Variants in TAAR8 observed in about 807,000 individuals in gnomAD.
TAAR8 encodes trace amine-associated receptor 8.
For synonymous variants in TAAR8, 157 were observed against 152.7 expected (o/e 1.03, Z -0.21); for missense variants, 459 against 405.8 (o/e 1.13, Z -1.13).
At chr6:132,553,607 G>T in exon 1 of TAAR8, 1 of 1,614,016 alleles carries the variant, frequency 6.2e-7, no homozygotes, top group Non-Finnish European at 8.5e-7. Flanking sequence ...ACTCAGCCAT[G>T]AATCCTTTGA....
exon 1 of TAAR8, chr6:132,553,087 T>A: frequency 6.2e-7 from 1 of 1,614,204 alleles, no homozygotes; most frequent in Non-Finnish European, 8.5e-7. Flanking sequence ...AGGTACATTG[T>A]GGTTACTGAT....
chr6:132,553,614 T>C, exon 1 of TAAR8: 3 of 1,614,090 alleles, frequency 1.9e-6, no homozygotes, highest in Non-Finnish European at 2.5e-6. Context: ...CATGAATCCT[T>C]TGATTTATGC....
chr6:132,553,496 T>G (rs1240727645), exon 1 of TAAR8: 2 of 1,614,064 alleles, frequency 1.2e-6, no homozygotes, highest in Non-Finnish European at 1.7e-6. Context: ...CATTTGTTAT[T>G]TCATGGTTAC....
chr6:132,553,576 G>T (rs1776412522), exon 1 of TAAR8: 1 of 1,613,850 alleles, frequency 6.2e-7, no homozygotes, highest in South Asian at 1.1e-5. Flanking sequence ...TATGAAATTT[G>T]CTGTTGGAGT....
At chr6:132,553,685 G>A (rs1271436554) in exon 1 of TAAR8, 1 of 1,599,456 alleles carries the variant, frequency 6.3e-7, no homozygotes, top group African/African-American at 1.3e-5. Context: ...ATGTTTTAAA[G>A]GCTAGTTCAT....
exon 1 of TAAR8, chr6:132,553,605 A>G (rs375368050): frequency 1.8e-5 from 29 of 1,614,012 alleles, no homozygotes; most frequent in African/African-American, 8.0e-5. Context: ...TAACTCAGCC[A>G]TGAATCCTTT....
chr6:132,553,170 C>T, exon 1 of TAAR8: 1 of 1,614,172 alleles, frequency 6.2e-7, no homozygotes, highest in Non-Finnish European at 8.5e-7. Flanking sequence ...GATTCTGCCT[C>T]TCACGTACAG....
rs1448305456 is a variant in TAAR8, at chr6:132,553,223, G to A, written c.531G>A (p.Glu177=). The change falls in exon 1 of 1, where the codon GAG becomes GAA. Residue 177 remains glutamate, a synonymous_variant. Transcript: ENST00000275200. ...CAGGTGTCAATGATGATGGGCTGGA[G>A]GAATTAGTAAGTGCTCTCAACTGCG... 4 of 1,614,174 alleles carry A rather than the reference G, an allele frequency of 2.5e-6. No individual in the cohort carries two copies. The South Asian group carries it at 4.4e-5, about 18-fold the overall frequency.
exon 1 of TAAR8, chr6:132,552,738 G>A (rs1354352173): frequency 1.2e-6 from 2 of 1,614,054 alleles, no homozygotes; most frequent in African/African-American, 2.7e-5. Flanking sequence ...TTGCTATGAG[G>A]ATGTGAATGG....
At chr6:132,553,438 C>A in exon 1 of TAAR8, 1 of 1,614,004 alleles carries the variant, frequency 6.2e-7, no homozygotes, top group Non-Finnish European at 8.5e-7. Flanking sequence ...ATCAGAGTGG[C>A]CAAGAGAGAG....
Position 132,553,705 on chromosome 6 carries a change from GT to G in TAAR8, c.1016del (p.Leu339TyrfsTer3). On this transcript the variant is annotated frameshift_variant, in exon 1 of 1. Coordinates refer to ENST00000275200, the Ensembl canonical transcript of TAAR8. LOFTEE classifies it high-confidence loss of function. The stretch of plus-strand genomic sequence containing the variant: ...TTAAAGGCTAGTTCATCAACCATTA[GT>G]TTATTTTTAGAATAAGTTTAAGCAC... The G allele has an allele frequency of 6.5e-7, 1 of 1,546,144 alleles. No individual in the cohort carries two copies.
Position 132,553,439 on chromosome 6 carries a change from CA to C in TAAR8, c.749del (p.Lys250ArgfsTer15). The C allele has an allele frequency of 6.2e-7, 1 of 1,613,940 alleles. No individual in the cohort carries two copies. The highest frequency in any genetic ancestry group is 8.5e-7 in the Non-Finnish European group (1 of 1,179,976). On this transcript the variant is annotated frameshift_variant, in exon 1 of 1. Transcript: ENST00000275200. LOFTEE classifies it low-confidence loss of function (END_TRUNC). The stretch of plus-strand genomic sequence containing the variant: ...CAGAGAGTTATAAAATCAGAGTGGC[CA>C]AGAGAGAGAGGAAAGCAGCTAAAAC...
At chr6:132,553,293 G>A (rs1458102113) in exon 1 of TAAR8, 27 of 1,614,010 alleles carry the variant, frequency 1.7e-5, no homozygotes, top group Non-Finnish European at 2.1e-5. Context: ...GGTGTTGATA[G>A]ATTTTCTGTT....
At chr6:132,553,539 A>C in exon 1 of TAAR8, 1 of 1,614,056 alleles carries the variant, frequency 6.2e-7, no homozygotes, top group Non-Finnish European at 8.5e-7. Flanking sequence ...TGATGCCTTT[A>C]TGGGCTTCCT....
At position 132,553,519 on chromosome 6, in the gene TAAR8, A is replaced by C. The variant is rs541224641; in HGVS notation, c.827A>C (p.Asp276Ala). 527 of 1,614,042 alleles carry C rather than the reference A, an allele frequency of 3.3e-4. 13 individuals are homozygous for C. The South Asian group carries it at 5.5e-3, about 17-fold the overall frequency. ...ATTTCATGGTTACCGTATACAGTTG[A>C]TATATTAATTGATGCCTTTATGGGC... The change falls in exon 1 of 1, where the codon GAT (aspartate) becomes GCT (alanine). Residue 276 changes from aspartate (D) to alanine (A), a missense_variant. Transcript: ENST00000275200.
exon 1 of TAAR8, chr6:132,553,696 C>T: frequency 3.2e-6 from 5 of 1,574,704 alleles, no homozygotes; most frequent in Non-Finnish European, 3.4e-6. Flanking sequence ...GCTAGTTCAT[C>T]AACCATTAGT....
In TAAR8 at chr6:132,552,938, G is replaced by C. The variant is rs1028774616; in HGVS notation, c.246G>C (p.Val82=). 9.9e-6 allele frequency: 16 copies of C among 1,614,092 alleles called. No homozygotes were observed. The Admixed American group carries it at 2.2e-4, about 22-fold the overall frequency. Residue 82 remains valine, a synonymous_variant, in exon 1 of 1, where the codon GTG becomes GTC. Coordinates refer to ENST00000275200, the Ensembl canonical transcript of TAAR8. ...CCTGTGCTGACTTCTTGGTAGGTGT[G>C]ACTGTGATGCTTTTCAGCATGGTCA... is the stretch of plus-strand genomic sequence containing the variant.
Position 132,553,582 on chromosome 6 carries a change from G to A in TAAR8, c.890G>A (p.Trp297Ter), listed in dbSNP as rs1736814985. 2 of 1,613,912 alleles carry A rather than the reference G, an allele frequency of 1.2e-6. No homozygotes were observed. The highest frequency in any genetic ancestry group is 3.3e-5 in the Admixed American group (2 of 59,994). ...GCCTATATCTATGAAATTTGCTGTT[G>A]GAGTGCTTATTATAACTCAGCCATG... Residue 297 changes from tryptophan (W) to a stop codon, truncating the protein, a stop_gained, in exon 1 of 1, where the codon TGG (tryptophan) becomes TAG (stop). Coordinates refer to ENST00000275200, the Ensembl canonical transcript of TAAR8. LOFTEE classifies it low-confidence loss of function (END_TRUNC).
exon 1 of TAAR8, chr6:132,553,556 T>C: frequency 1.9e-6 from 3 of 1,614,120 alleles, no homozygotes; most frequent in Non-Finnish European, 2.5e-6. Context: ...TCCTGACCCC[T>C]GCCTATATCT....
Sources: allele counts gnomAD v4.1 joint callset, GRCh38; gene constraint gnomAD v4.1.1; transcripts MANE v1.5; gene names NCBI Gene and HGNC (gene_info 2026-07-23, HGNC 2026-07-21).